DOP1A: variants seen among roughly 807,000 people sequenced by gnomAD.
The protein encoded by DOP1A is DOP1 leucine zipper like protein A.
DOP1A carries 90 observed loss-of-function variants against 267.6 expected under a neutral mutation model. That is an observed-to-expected ratio of 0.34 (90% CI 0.28 to 0.40). DOP1A has a LOEUF of 0.40. Among genes scored for constraint, DOP1A ranks in the 10% least tolerant of loss-of-function variants. The probability of loss-of-function intolerance (pLI) is 1.00; values close to 1 mark genes in which losing one functional copy is unlikely to be tolerated. For missense variants in DOP1A, 2,437 were observed against 2,900.4 expected, an observed-to-expected ratio of 0.84 and a Z score of 3.67; for synonymous variants, 932 against 999.1, an observed-to-expected ratio of 0.93 and a Z score of 1.27.
At chr6:83,150,591 AGATATT>A (rs774792317) in intron 27 of DOP1A, among the ~76,000 whole-genome samples, 55 of 152,206 alleles carry the variant, frequency 3.6e-4, no homozygotes, top group Non-Finnish European at 7.2e-4. Context: ...ATTAAAAAAT[AGATATT>A]GATATGAAGG....
intron 2 of DOP1A, 39 bp from the exon 3 acceptor site, chr6:83,096,886 A>G (rs1771606885): frequency 6.8e-7 from 1 of 1,461,400 alleles, no homozygotes; most frequent in African/African-American, 1.4e-5. Context: ...CCGTTTTAAT[A>G]CTTTGTAACC....
At chr6:83,164,415 C>G (rs1384542363) in intron 38 of DOP1A, among the ~76,000 whole-genome samples, 1 of 151,628 alleles carries the variant, frequency 6.6e-6, no homozygotes, top group Non-Finnish European at 1.5e-5. Context: ...CAAATATGAC[C>G]CCAGGCACAT....
chr6:83,098,185 T>C (rs1771858282), intron 3 of DOP1A, among the ~76,000 whole-genome samples: 1 of 152,158 alleles, frequency 6.6e-6, no homozygotes, highest in Admixed American at 6.5e-5. Context: ...ATACCCAGCC[T>C]ATCAAATAGC....
intron 7 of DOP1A, 41 bp from the exon 8 acceptor site, chr6:83,118,847 T>C: frequency 2.6e-6 from 4 of 1,552,028 alleles, no homozygotes; most frequent in Non-Finnish European, 3.5e-6. Flanking sequence ...ATAATATATA[T>C]TGTATATTGC....
intron 24 of DOP1A, among the ~76,000 whole-genome samples, chr6:83,142,360 T>G (rs1283623898): frequency 6.6e-6 from 1 of 151,802 alleles, no homozygotes; most frequent in South Asian, 2.1e-4. Context: ...ATACAAAAAT[T>G]AGCCAGGCAT....
chr6:83,167,387 T>C, intron 38 of DOP1A: 1 of 984,666 alleles, frequency 1.0e-6, no homozygotes, highest in South Asian at 4.7e-5. Context: ...GCTACCATCA[T>C]GGCAAATTTA....
At chr6:83,085,446 C>T (rs1253286279) in intron 1 of DOP1A, among the ~76,000 whole-genome samples, 1 of 151,972 alleles carries the variant, frequency 6.6e-6, no homozygotes, top group Non-Finnish European at 1.5e-5. Flanking sequence ...AGAGTTTGGC[C>T]CCAGGCAGGC....
At chr6:83,153,694 C>T in intron 31 of DOP1A, 74 bp downstream of exon 31, 3 of 1,276,344 alleles carry the variant, frequency 2.4e-6, no homozygotes, top group South Asian at 1.5e-5. Context: ...CCCTTATTGC[C>T]ATTTCTAGAA....
chr6:83,117,057 C>T (rs1775556685), intron 7 of DOP1A, among the ~76,000 whole-genome samples: 1 of 152,060 alleles, frequency 6.6e-6, no homozygotes, highest in Non-Finnish European at 1.5e-5. Flanking sequence ...CTCAGTTATA[C>T]AATTGCTTTT....
Position 83,118,951 on chromosome 6 carries a change from ATG to A in DOP1A, c.846_847del (p.Met282IlefsTer14). On this transcript the variant is annotated frameshift_variant, in exon 8 of 39. Coordinates refer to ENST00000349129, the MANE Select transcript of DOP1A (RefSeq NM_015018.4). LOFTEE classifies it high-confidence loss of function. ...CCTTCATGTAGTGCTAAGGAGGGAT[ATG>A]TCTCTGAATCGAAGACTTTATGCAT... ...AALHVVLRRD[M>X]SLNRRLYAWL... 1 of 1,613,630 alleles carries A rather than the reference ATG, an allele frequency of 6.2e-7. No individual in the cohort carries two copies. Among genetic ancestry groups the A allele is most frequent in the Non-Finnish European group, 8.5e-7 (1 of 1,179,658 alleles).
intron 18 of DOP1A, among the ~76,000 whole-genome samples, chr6:83,133,782 G>A (rs899828898): frequency 1.3e-5 from 2 of 151,726 alleles, no homozygotes; most frequent in Admixed American, 1.3e-4. Flanking sequence ...TCATTTCTGG[G>A]ACAAAAAATA....
At chr6:83,076,050 A>G (rs1315858717) in intron 1 of DOP1A, among the ~76,000 whole-genome samples, 1 of 152,218 alleles carries the variant, frequency 6.6e-6, no homozygotes, top group Non-Finnish European at 1.5e-5. Context: ...AAAGCAAACT[A>G]TGGAAAGGGA....
Position 83,120,021 on chromosome 6 carries a change from A to G in DOP1A, c.990+164A>G, listed in dbSNP as rs1231835140. 3.3e-5 allele frequency among the ~76,000 whole-genome samples: 5 copies of G among 151,958 alleles called. No homozygotes were observed. In the East Asian group the frequency reaches 9.6e-4, roughly 29 times the overall value. ...ATAACAAGAAAATTCCTGTAAAATG[A>G]TAATCATATGTTAGACTACCATGTA... On this transcript the variant is annotated intron_variant, in intron 9 of 38. Transcript: ENST00000349129.
intron 1 of DOP1A, among the ~76,000 whole-genome samples, chr6:83,072,603 GTCA>G (rs1785808084): frequency 2.0e-5 from 3 of 152,150 alleles, no homozygotes; most frequent in Admixed American, 2.0e-4. Flanking sequence ...TAGGTAAATT[GTCA>G]TCATTTAGAA....
intron 3 of DOP1A, among the ~76,000 whole-genome samples, chr6:83,098,161 A>C (rs1416305437): frequency 6.6e-6 from 1 of 152,194 alleles, no homozygotes; most frequent in South Asian, 2.1e-4. Flanking sequence ...CTGGGATTAC[A>C]GGCATTAGCC....
In DOP1A at chr6:83,153,970, G is replaced by A; in HGVS notation, c.6316G>A (p.Ala2106Thr). 2 of 1,614,026 alleles carry A rather than the reference G, an allele frequency of 1.2e-6. No individual in the cohort carries two copies. The highest frequency in any genetic ancestry group is 1.7e-6 in the Non-Finnish European group (2 of 1,179,980). Reference protein sequence around the residue: ...SLSGYQYTRRAWKKEAFDLFM... With the variant: ...SLSGYQYTRRTWKKEAFDLFM... ...TAGTGGGTATCAGTACACACGGAGA[G>A]CTTGGAAAAAAGAAGCTTTTGACCT... Residue 2106 changes from alanine to threonine, a missense_variant, in exon 32 of 39, where the codon GCT (alanine) becomes ACT (threonine). Physicochemically the swap from Ala to Thr is moderately conservative, Grantham distance 58. This residue lies in a region of DOP1A where 216 missense variants were observed against 283.3 expected (regional missense o/e 0.76). Coordinates refer to ENST00000349129, the MANE Select transcript of DOP1A (RefSeq NM_015018.4).
At chr6:83,135,263 AGTAAT>A (rs146885227) in intron 19 of DOP1A, among the ~76,000 whole-genome samples, 3,292 of 152,216 alleles carry the variant, frequency 0.022, 40 homozygotes, top group African/African-American at 0.036. Context: ...ACCAACATGG[AGTAAT>A]GCCGACTTGC....
chr6:83,151,653 C>A lies in DOP1A; in HGVS notation c.5898C>A (p.Asp1966Glu). 1 of 1,607,452 alleles carries A rather than the reference C, an allele frequency of 6.2e-7. No individual in the cohort carries two copies. The highest frequency in any genetic ancestry group is 1.1e-5 in the South Asian group (1 of 89,306). The change falls in exon 28 of 39, where the codon GAC (aspartate) becomes GAA (glutamate). Residue 1966 changes from aspartate to glutamate, a missense_variant. Transcript: ENST00000349129. ...TGGAAAATAAAAAAGACCAAAGAGACCTTCAGGTAAGGCAGTCTAAGAGCT... is the reference window on the plus strand; with the variant it reads ...TGGAAAATAAAAAAGACCAAAGAGAACTTCAGGTAAGGCAGTCTAAGAGCT... ...PSLENKKDQR[D>E]LQDVTHKIVD... is the part of the protein sequence containing the mutation.
chr6:83,125,460 C>T, intron 14 of DOP1A, 40 bp from the exon 15 acceptor site: 1 of 1,583,062 alleles, frequency 6.3e-7, no homozygotes, highest in Non-Finnish European at 8.6e-7. Context: ...TTTTGGGTTC[C>T]ACATTGTTTA....
Sources: gnomAD v4.1 joint callset for allele counts (sites outside exome capture counted in the v4.1 genomes callset) on GRCh38, gnomAD v4.1.1 for gene constraint, gnomAD v4.1.1 regional missense constraint, MANE v1.5 for transcripts, NCBI Gene and HGNC (gene_info 2026-07-23, HGNC 2026-07-21) for gene names.